Variants in MIGA1 observed in about 807,000 individuals in gnomAD.
MIGA1 encodes the protein mitoguardin 1, also known as family with sequence similarity 73, member A.
In MIGA1, 58 loss-of-function variants were observed where a neutral mutation model predicts 82.0. The observed-to-expected ratio is 0.71, with a 90% CI of 0.57 to 0.88. The LOEUF is 0.88. Among genes scored for constraint, MIGA1 ranks in the 40% least tolerant of loss-of-function variants. The probability of loss-of-function intolerance (pLI) is 0.00; values close to 1 mark genes in which losing one functional copy is unlikely to be tolerated. For synonymous variants in MIGA1, 249 were observed against 253.6 expected (o/e 0.98, Z 0.17); for missense variants, 751 against 749.1 (o/e 1.00, Z -0.03).
intron 2 of MIGA1, among the ~76,000 whole-genome samples, chr1:77,784,364 A>G (rs1200087855): frequency 2.0e-5 from 3 of 152,114 alleles, no homozygotes; most frequent in Admixed American, 6.6e-5. Flanking sequence ...AGCTGGGACT[A>G]CAGGCATGTG....
intron 1 of MIGA1, among the ~76,000 whole-genome samples, chr1:77,782,332 C>T (rs1371730396): frequency 2.0e-5 from 3 of 152,114 alleles, no homozygotes; most frequent in African/African-American, 7.2e-5. Flanking sequence ...TTCCTCAGGA[C>T]TCTTGATTTT....
intron 8 of MIGA1, among the ~76,000 whole-genome samples, chr1:77,856,156 G>A (rs1428504538): frequency 1.3e-5 from 2 of 152,114 alleles, no homozygotes; most frequent in African/African-American, 2.4e-5. Context: ...GTGATCGTGT[G>A]ATTTTTGTTT....
intron 2 of MIGA1, among the ~76,000 whole-genome samples, chr1:77,786,209 G>A (rs980830695): frequency 6.6e-6 from 1 of 152,228 alleles, no homozygotes; most frequent in African/African-American, 2.4e-5. Flanking sequence ...CTGGGATGCA[G>A]GGCACCAAGT....
intron 1 of MIGA1, among the ~76,000 whole-genome samples, chr1:77,782,559 A>G (rs1681969656): frequency 6.6e-6 from 1 of 152,204 alleles, no homozygotes; most frequent in African/African-American, 2.4e-5. Context: ...CTGGCTCTAT[A>G]AAGCAGAGAC....
At chr1:77,856,251 T>C (rs1266271703) in intron 8 of MIGA1, among the ~76,000 whole-genome samples, 3 of 152,224 alleles carry the variant, frequency 2.0e-5, no homozygotes, top group Non-Finnish European at 4.4e-5. Flanking sequence ...ACCCAGTTGA[T>C]TGTGGTGGAT....
chr1:77,847,523 AAG>A (rs756042186), intron 8 of MIGA1: 41 of 1,449,264 alleles, frequency 2.8e-5, no homozygotes, highest in Non-Finnish European at 3.9e-5. Flanking sequence ...TACAGAGAGA[AAG>A]AGAAATGGAA....
chr1:77,801,032 G>A (rs546132420), intron 2 of MIGA1, among the ~76,000 whole-genome samples: 6 of 152,116 alleles, frequency 3.9e-5, no homozygotes, highest in Admixed American at 1.3e-4. Context: ...ATTCAGTTGC[G>A]TGAATTAATC....
Position 77,874,991 on chromosome 1 carries a change from G to C in MIGA1, c.1826G>C (p.Arg609Thr). 1 of 1,614,132 alleles carries C rather than the reference G, an allele frequency of 6.2e-7. No homozygotes were observed. Among genetic ancestry groups the C allele is most frequent in the Non-Finnish European group, 8.5e-7 (1 of 1,180,020 alleles). Residue 609 changes from arginine to threonine, a missense_variant, in exon 16 of 16, where the codon AGG (arginine) becomes ACG (threonine). By Grantham distance (71) the Arg-to-Thr change is moderately conservative (BLOSUM62 -1). Around this residue, in one of 3 missense-constraint regions of MIGA1, gnomAD observed 265 missense variants for 293.6 expected, o/e 0.90. Coordinates refer to ENST00000370791, the MANE Select transcript of MIGA1 (RefSeq NM_198549.4). ...GCCTATCTTGAAGCAGATGCCCTGA[G>C]GCATACAAGTAGTTGTCTAAGCAGT... is the stretch of plus-strand genomic sequence containing the variant.
At chr1:77,810,478 T>C in intron 5 of MIGA1, among the ~76,000 whole-genome samples, 1 of 152,072 alleles carries the variant, frequency 6.6e-6, no homozygotes, top group African/African-American at 2.4e-5. Context: ...GGAGCAAAAG[T>C]GAACAGATGT....
At chr1:77,857,868 A>G (rs1026405635) in intron 8 of MIGA1, among the ~76,000 whole-genome samples, 3 of 151,732 alleles carry the variant, frequency 2.0e-5, no homozygotes, top group Non-Finnish European at 4.4e-5. Flanking sequence ...TACAAAAGTT[A>G]ATCAAAGCTA....
chr1:77,827,502 T>A (rs1439785870), intron 7 of MIGA1, among the ~76,000 whole-genome samples: 4 of 151,864 alleles, frequency 2.6e-5, no homozygotes, highest in African/African-American at 9.7e-5. Context: ...AAATAAAAAA[T>A]TATCTGGAGA....
chr1:77,848,132 T>C (rs1015259557), intron 8 of MIGA1: 70 of 1,348,958 alleles, frequency 5.2e-5, no homozygotes, highest in Non-Finnish European at 7.3e-5. Context: ...ACCATTACAC[T>C]GACCGTGATT....
At chr1:77,825,074 C>T (rs529511314) in intron 7 of MIGA1, among the ~76,000 whole-genome samples, 150 of 150,728 alleles carry the variant, frequency 1.0e-3, no homozygotes, top group African/African-American at 3.2e-3. Flanking sequence ...CTGCAACCTC[C>T]GCCTCCAGGG....
chr1:77,784,068 G>A (rs1682040430), intron 2 of MIGA1, among the ~76,000 whole-genome samples: 1 of 152,106 alleles, frequency 6.6e-6, no homozygotes, highest in Admixed American at 6.5e-5. Flanking sequence ...TTTGTTGATG[G>A]ACATTGGATT....
intron 1 of MIGA1, among the ~76,000 whole-genome samples, chr1:77,781,689 G>A (rs1249461913): frequency 6.6e-6 from 1 of 152,136 alleles, no homozygotes; most frequent in Non-Finnish European, 1.5e-5. Context: ...TGAAATAAAT[G>A]TATGTCAAGT....
intron 8 of MIGA1, among the ~76,000 whole-genome samples, chr1:77,855,604 G>C (rs920523406): frequency 6.6e-6 from 1 of 151,812 alleles, no homozygotes; most frequent in South Asian, 2.1e-4. Flanking sequence ...AGAGGTCTTT[G>C]GACTCCTTGG....
intron 14 of MIGA1, chr1:77,868,605 C>G (rs928723010): frequency 6.6e-6 from 1 of 152,236 alleles, no homozygotes; most frequent in Non-Finnish European, 1.5e-5. Flanking sequence ...GCCAAATTCC[C>G]TCTGTACTTA....
At chr1:77,827,317 A>G (rs1684068366) in intron 7 of MIGA1, among the ~76,000 whole-genome samples, 1 of 152,016 alleles carries the variant, frequency 6.6e-6, no homozygotes, top group Non-Finnish European at 1.5e-5. Context: ...CCTCAAAAAA[A>G]TTCTCTGGAA....
chr1:77,809,012 G>A (rs1683210817), intron 5 of MIGA1, among the ~76,000 whole-genome samples: 2 of 152,170 alleles, frequency 1.3e-5, no homozygotes. Context: ...TTGGGAGGCT[G>A]AGGCAGGAGG....
Sources: gnomAD v4.1 joint callset for allele counts (sites outside exome capture counted in the v4.1 genomes callset) on GRCh38, gnomAD v4.1.1 for gene constraint, gnomAD v4.1.1 regional missense constraint, MANE v1.5 for transcripts, NCBI Gene and HGNC (gene_info 2026-07-23, HGNC 2026-07-21) for gene names.